The following CACNA2D1 variants were observed in gnomAD, a reference collection of about 807,000 sequenced individuals.
CACNA2D1 encodes calcium voltage-gated channel auxiliary subunit alpha2delta 1.
A neutral mutation model predicts 171.5 loss-of-function variants in CACNA2D1; 53 were observed. The observed-to-expected ratio is 0.31, with a 90% confidence interval of 0.25 to 0.39. CACNA2D1 has a LOEUF of 0.39. CACNA2D1 is among the 10% of genes least tolerant of loss of function. The probability of loss-of-function intolerance (pLI) is 1.00; values close to 1 mark genes in which losing one functional copy is unlikely to be tolerated. For synonymous variants in CACNA2D1, 442 were observed against 443.1 expected (o/e 1.00, Z 0.03); for missense variants, 903 against 1,299.8 (o/e 0.69, Z 4.69).
At chr7:82,269,661 A>C (rs751903057) in intron 3 of CACNA2D1, among the ~76,000 whole-genome samples, 12 of 152,158 alleles carry the variant, frequency 7.9e-5, no homozygotes, top group Non-Finnish European at 1.6e-4. Flanking sequence ...CTTCAACTCT[A>C]CATCCTTTGT....
intron 4 of CACNA2D1, among the ~76,000 whole-genome samples, chr7:82,163,231 A>G (rs781102046): frequency 2.1e-4 from 32 of 152,230 alleles, no homozygotes; most frequent in Non-Finnish European, 3.7e-4. Context: ...GTACCTCTAT[A>G]TTAAAATTAT....
intron 1 of CACNA2D1, among the ~76,000 whole-genome samples, chr7:82,380,957 A>C (rs1823629671): frequency 6.6e-6 from 1 of 151,912 alleles, no homozygotes; most frequent in Non-Finnish European, 1.5e-5. Context: ...GGCCTCCCAA[A>C]GTGCTGGGAC....
intron 1 of CACNA2D1, among the ~76,000 whole-genome samples, chr7:82,411,322 C>G (rs1002071545): frequency 5.3e-5 from 8 of 152,146 alleles, no homozygotes; most frequent in Admixed American, 4.6e-4. Flanking sequence ...CTATATAGTC[C>G]AGAACAGGTG....
At position 82,091,773 on chromosome 7, in the gene CACNA2D1, G is replaced by T. The variant is rs188939502; in HGVS notation, c.527-6873C>A. Among the ~76,000 whole-genome samples the T allele has an allele frequency of 1.5e-3, 229 of 152,216 alleles. 3 individuals are homozygous for T. Among genetic ancestry groups the T allele is most frequent in the East Asian group, 0.015 (77 of 5,176 alleles). On this transcript the variant is annotated intron_variant, in intron 6 of 38. Transcript: ENST00000356860. The stretch of plus-strand genomic sequence containing the variant: ...ATTCTAAGCTTTTCTCTCCTTAGTA[G>T]TATCAAAACCAAATAAATTATTAAT...
At chr7:82,132,425 C>T (rs1791100118) in intron 5 of CACNA2D1, among the ~76,000 whole-genome samples, 1 of 152,174 alleles carries the variant, frequency 6.6e-6, no homozygotes, top group Non-Finnish European at 1.5e-5. Flanking sequence ...AGGAAAAGTA[C>T]TCCATATCCT....
chr7:82,025,515 T>A (rs140477523), intron 12 of CACNA2D1, among the ~76,000 whole-genome samples: 62 of 151,796 alleles, frequency 4.1e-4, no homozygotes, highest in African/African-American at 1.4e-3. Context: ...TCCTGCAATG[T>A]TACTGAATTT....
intron 1 of CACNA2D1, among the ~76,000 whole-genome samples, chr7:82,436,282 T>A (rs188117578): frequency 6.6e-6 from 1 of 152,302 alleles, no homozygotes; most frequent in Admixed American, 6.5e-5. Flanking sequence ...TAGTTTTAAG[T>A]ATACTACCTA....
chr7:82,187,688 A>G (rs1300903873), intron 3 of CACNA2D1, among the ~76,000 whole-genome samples: 2 of 152,208 alleles, frequency 1.3e-5, no homozygotes, highest in African/African-American at 4.8e-5. Context: ...AGATTTATTC[A>G]TCACCTACTT....
intron 3 of CACNA2D1, among the ~76,000 whole-genome samples, chr7:82,198,508 C>T (rs1302380342): frequency 6.6e-6 from 1 of 151,908 alleles, no homozygotes; most frequent in African/African-American, 2.4e-5. Flanking sequence ...ATGCTGGGAT[C>T]CCACATCACT....
Position 81,994,877 on chromosome 7 carries a change from A to C in CACNA2D1, c.1725T>G (p.Ser575=), listed in dbSNP as rs1797885350. 1 of 1,468,468 alleles carries C rather than the reference A, an allele frequency of 6.8e-7. No homozygotes were observed. The highest frequency in any genetic ancestry group is 9.5e-7 in the Non-Finnish European group (1 of 1,047,892). The allele number at this position is 1,468,468 out of a possible 1,614,324, so 91.0% of individuals were successfully genotyped here. A position where few individuals can be genotyped will look rare whatever the true frequency, so the allele number is the denominator to read the frequency against. ...TAGAATCAATTCTTACCTCATCTTG[A>C]GATTTAACCAGAGTTCTGAATGTTT... ...GEKTFRTLVK[S]QDERYIDKGN... is the part of the protein sequence containing the mutation. The change falls in exon 20 of 39, where the codon TCT becomes TCG. Residue 575 remains serine (S), a synonymous_variant. Coordinates refer to ENST00000356860, the MANE Select transcript of CACNA2D1 (RefSeq NM_000722.4).
intron 1 of CACNA2D1, among the ~76,000 whole-genome samples, chr7:82,432,274 T>C (rs2237530): frequency 0.66 from 99,643 of 152,008 alleles, 33,717 homozygotes; most frequent in African/African-American, 0.82. Flanking sequence ...TAACTCTTCT[T>C]ATCTCTTGCC....
At chr7:82,442,689 A>G (rs1290829142) in intron 1 of CACNA2D1, among the ~76,000 whole-genome samples, 1 of 152,224 alleles carries the variant, frequency 6.6e-6, no homozygotes, top group Non-Finnish European at 1.5e-5. Flanking sequence ...GGCTCTATTC[A>G]TTTGAAGAAC....
At chr7:82,200,616 A>T (rs997133591) in intron 3 of CACNA2D1, among the ~76,000 whole-genome samples, 1 of 152,018 alleles carries the variant, frequency 6.6e-6, no homozygotes, top group Non-Finnish European at 1.5e-5. Flanking sequence ...ATTTCTTGAA[A>T]TTTTTTATAA....
intron 1 of CACNA2D1, among the ~76,000 whole-genome samples, chr7:82,350,627 T>G (rs1819749784): frequency 6.6e-6 from 1 of 152,174 alleles, no homozygotes. Flanking sequence ...ATCGCGCCAC[T>G]GCACTCCAGC....
rs1231281687 is a variant in CACNA2D1 at position 81,950,429 on chromosome 7, A to G, written c.3239T>C (p.Leu1080Pro). Reference protein sequence around the residue: ...WYIIGIQFLLLWLVSGSTHRL... With the variant: ...WYIIGIQFLLPWLVSGSTHRL... Reference sequence around the variant, plus strand: ...GTGTGTGCTGCCAGATACCAGCCAAAGTAGTAGAAACTGGATTCCAATGAT... The same window carrying G: ...GTGTGTGCTGCCAGATACCAGCCAAGGTAGTAGAAACTGGATTCCAATGAT... The change falls in exon 39 of 39, where the codon CTT becomes CCT. Residue 1080 changes from leucine (L) to proline (P), a missense_variant. Coordinates refer to ENST00000356860, the MANE Select transcript of CACNA2D1 (RefSeq NM_000722.4). 6.2e-7 allele frequency: 1 copy of G among 1,613,418 alleles called. No homozygotes were observed. Among genetic ancestry groups the G allele is most frequent in the South Asian group, 1.1e-5 (1 of 91,066 alleles).
At chr7:82,293,071 C>CT (rs1301058331) in intron 3 of CACNA2D1, among the ~76,000 whole-genome samples, 6 of 151,504 alleles carry the variant, frequency 4.0e-5, no homozygotes, top group Non-Finnish European at 8.8e-5. Flanking sequence ...ATTTCTTTGC[C>CT]TTTTTTCTAG....
At chr7:82,396,127 G>GC (rs1449302700) in intron 1 of CACNA2D1, among the ~76,000 whole-genome samples, 2 of 152,058 alleles carry the variant, frequency 1.3e-5, no homozygotes, top group Non-Finnish European at 2.9e-5. Context: ...AGGTTTAGTA[G>GC]CCACTTTTTT....
intron 1 of CACNA2D1, among the ~76,000 whole-genome samples, chr7:82,438,935 T>C (rs3801662): frequency 0.66 from 99,685 of 151,996 alleles, 33,746 homozygotes; most frequent in African/African-American, 0.83. Flanking sequence ...TCCCAAAATG[T>C]TATGTATACT....
chr7:82,239,889 G>A (rs551774108), intron 3 of CACNA2D1, among the ~76,000 whole-genome samples: 4 of 152,080 alleles, frequency 2.6e-5, no homozygotes, highest in African/African-American at 7.2e-5. Context: ...AATGGGACTC[G>A]TTTTCAGGTT....
Sources: allele counts gnomAD v4.1 joint callset (sites outside exome capture counted in the v4.1 genomes callset), GRCh38; gene constraint gnomAD v4.1.1; transcripts MANE v1.5; gene names NCBI Gene and HGNC (gene_info 2026-07-23, HGNC 2026-07-21).